Variants in FGF13 observed in about 807,000 individuals in gnomAD.
FGF13 encodes the protein fibroblast growth factor homologous factor 2.
A neutral mutation model predicts 19.5 loss-of-function variants in FGF13; 2 were observed. That is an observed-to-expected ratio of 0.10 (90% CI 0.04 to 0.32). FGF13 has a LOEUF of 0.32. Ranked by LOEUF, FGF13 falls within the 10% of genes least tolerant of loss-of-function variation. The probability of loss-of-function intolerance (pLI) is 1.00; values close to 1 mark genes in which losing one functional copy is unlikely to be tolerated. For synonymous variants in FGF13, 72 were observed against 76.9 expected, an observed-to-expected ratio of 0.94 and a Z score of 0.33; for missense variants, 113 against 192.7, an observed-to-expected ratio of 0.59 and a Z score of 2.45.
At chrX:139,125,926 C>T (rs1196922405) in intron 1 of FGF13, among the ~76,000 whole-genome samples, 1 of 112,000 alleles carries the variant, frequency 8.9e-6, no homozygotes, top group African/African-American at 3.2e-5. Context: ...TCAACCCCTG[C>T]TACCAGTGCC....
chrX:138,906,638 T>C (rs1297357172), intron 1 of FGF13, among the ~76,000 whole-genome samples: 2 of 112,141 alleles, frequency 1.8e-5, no homozygotes, highest in Non-Finnish European at 3.8e-5. Flanking sequence ...TTTAATAGAA[T>C]GCCAAGGAAA....
chrX:138,760,236 C>T (rs775803182), intron 3 of FGF13, among the ~76,000 whole-genome samples: 4 of 112,124 alleles, frequency 3.6e-5, no homozygotes, highest in African/African-American at 1.3e-4. Context: ...TCTTTGCAGT[C>T]ATCCTAAACA....
At chrX:138,904,026 C>CTA (rs951080916) in intron 1 of FGF13, among the ~76,000 whole-genome samples, 1 of 111,429 alleles carries the variant, frequency 9.0e-6, no homozygotes, top group Non-Finnish European at 1.9e-5. Flanking sequence ...AAGTTTCTAG[C>CTA]TATATATATA....
At chrX:138,775,108 C>T (rs1173102995) in intron 3 of FGF13, among the ~76,000 whole-genome samples, 1 of 111,862 alleles carries the variant, frequency 8.9e-6, no homozygotes, top group Non-Finnish European at 1.9e-5. Context: ...TTCAGGCATG[C>T]GCCATCACGC....
intron 3 of FGF13, among the ~76,000 whole-genome samples, chrX:138,792,725 G>A (rs1345781486): frequency 9.0e-6 from 1 of 111,212 alleles, no homozygotes; most frequent in Non-Finnish European, 1.9e-5. Flanking sequence ...TTAAAAAGTA[G>A]GAATGGAAGG....
At chrX:138,797,007 C>A (rs907524717) in intron 3 of FGF13, among the ~76,000 whole-genome samples, 3 of 111,557 alleles carry the variant, frequency 2.7e-5, no homozygotes, top group Non-Finnish European at 5.6e-5. Flanking sequence ...CTGTAGGTTG[C>A]CTGTTCACTC....
chrX:139,084,617 G>A (rs763687551), intron 1 of FGF13, among the ~76,000 whole-genome samples: 19 of 109,209 alleles, frequency 1.7e-4, no homozygotes, highest in Non-Finnish European at 3.4e-4. Flanking sequence ...GATTCCCAGT[G>A]CCAAAATTAC....
chrX:139,120,062 A>G (rs1044793018), intron 1 of FGF13, among the ~76,000 whole-genome samples: 1 of 111,784 alleles, frequency 8.9e-6, no homozygotes, highest in African/African-American at 3.3e-5. Flanking sequence ...TGGTTGTTTG[A>G]TAAGTGTCTG....
chrX:139,108,262 G>C (rs1340050434), intron 1 of FGF13, among the ~76,000 whole-genome samples: 2 of 111,623 alleles, frequency 1.8e-5, no homozygotes, highest in Non-Finnish European at 3.8e-5. Flanking sequence ...CCCAAATTTA[G>C]AGGGTCCAGA....
At chrX:138,949,784 G>A (rs1305956343) in intron 1 of FGF13, among the ~76,000 whole-genome samples, 1 of 111,965 alleles carries the variant, frequency 8.9e-6, no homozygotes. Context: ...GTTTGCTGTG[G>A]CAAGAAAAGA....
At chrX:138,753,706 G>A (rs1457638826) in intron 3 of FGF13, among the ~76,000 whole-genome samples, 1 of 111,832 alleles carries the variant, frequency 8.9e-6, no homozygotes, top group Non-Finnish European at 1.9e-5. Context: ...AACTCTCAGT[G>A]GTATAATATG....
At chrX:138,733,122 T>C (rs771764121) in intron 1 of FGF13, among the ~76,000 whole-genome samples, 8 of 111,885 alleles carry the variant, frequency 7.2e-5, no homozygotes, top group Non-Finnish European at 1.5e-4. Context: ...TCATGAGTTA[T>C]GAGTGTTATG....
intron 1 of FGF13, among the ~76,000 whole-genome samples, chrX:138,876,599 C>T (rs1328183180): frequency 8.9e-6 from 1 of 112,016 alleles, no homozygotes; most frequent in African/African-American, 3.2e-5. Context: ...CCTATTGCCA[C>T]AAACAACTGA....
At chrX:139,089,990 C>T (rs904756762) in intron 1 of FGF13, among the ~76,000 whole-genome samples, 2 of 111,793 alleles carry the variant, frequency 1.8e-5, no homozygotes, top group Admixed American at 9.5e-5. Context: ...AGGCGTAAGC[C>T]GCTGCACCTG....
chrX:138,680,912 C>T (rs769488922), intron 3 of FGF13, among the ~76,000 whole-genome samples: 1 of 111,079 alleles, frequency 9.0e-6, no homozygotes, highest in African/African-American at 3.3e-5. Flanking sequence ...TGGCTCACCC[C>T]TGTAATCCCA....
intron 1 of FGF13, among the ~76,000 whole-genome samples, chrX:139,115,877 A>G (rs1050898200): frequency 8.9e-6 from 1 of 112,830 alleles, no homozygotes; most frequent in Admixed American, 9.4e-5. Flanking sequence ...TGCCTGGCAC[A>G]TAATAGAAGC....
chrX:138,965,937 A>T (rs2091893023), intron 1 of FGF13, among the ~76,000 whole-genome samples: 2 of 112,551 alleles, frequency 1.8e-5, no homozygotes, highest in African/African-American at 6.5e-5. Flanking sequence ...TGATATATCA[A>T]ATCTATCAGT....
chrX:138,714,792 C>A (rs189269086), upstream of FGF13: 1 of 112,352 alleles, frequency 8.9e-6, no homozygotes, highest in South Asian at 3.7e-4. Flanking sequence ...ATGCCAAAGT[C>A]ACATCCATCT....
In FGF13 at chrX:138,621,896, AAT is replaced by A. The variant is rs1247900264; in HGVS notation, c.*10952_*10953del. The A allele has an allele frequency of 9.0e-6, 1 of 111,434 alleles. No individual in the cohort carries two copies. Among genetic ancestry groups the A allele is most frequent in the East Asian group, 2.8e-4 (1 of 3,553 alleles). The allele number at this position is 111,434 out of a possible 1,213,427, so 9.2% of individuals were successfully genotyped here. The stretch of plus-strand genomic sequence containing the variant: ...CACAACCTAGCAAGACTGAATCATG[AAT>A]AGAGAATCTGTAGAGAGCAATAATG... On this transcript the variant is annotated 3_prime_UTR_variant, in exon 5 of 5. Transcript: ENST00000315930.
Sources: allele counts gnomAD v4.1 joint callset (sites outside exome capture counted in the v4.1 genomes callset), GRCh38; gene constraint gnomAD v4.1.1; transcripts MANE v1.5; gene names NCBI Gene and HGNC (gene_info 2026-07-23, HGNC 2026-07-21).